The following THSD4 variants were observed in gnomAD, a reference collection of about 807,000 sequenced individuals.
The protein encoded by THSD4 is thrombospondin type 1 domain containing 4, also known as thrombospondin type-1 domain-containing protein 4.
Under a neutral mutation model 119.0 loss-of-function variants are expected in THSD4, and 69 were observed. That is an observed-to-expected ratio of 0.58 (90% CI 0.48 to 0.71). The LOEUF is 0.71. Ranked by LOEUF, THSD4 falls within the 30% of genes least tolerant of loss-of-function variation. The pLI, the probability that THSD4 is intolerant of heterozygous loss-of-function variation, is 0.00. For synonymous variants in THSD4, 524 were observed against 540.4 expected (o/e 0.97, Z 0.42); for missense variants, 1,393 against 1,391.1 (o/e 1.00, Z -0.02).
At chr15:71,657,084 G>C (rs2051206104) in intron 7 of THSD4, among the ~76,000 whole-genome samples, 1 of 152,234 alleles carries the variant, frequency 6.6e-6, no homozygotes, top group Non-Finnish European at 1.5e-5. Flanking sequence ...AAGGAGATTT[G>C]ATCCTGTCCA....
chr15:71,372,066 C>G (rs1028228236), intron 6 of THSD4, among the ~76,000 whole-genome samples: 1 of 152,164 alleles, frequency 6.6e-6, no homozygotes, highest in Non-Finnish European at 1.5e-5. Context: ...TCCAGTTGAT[C>G]GAATTGGTTA....
intron 7 of THSD4, among the ~76,000 whole-genome samples, chr15:71,633,740 G>T (rs939637775): frequency 6.6e-6 from 1 of 152,154 alleles, no homozygotes; most frequent in Non-Finnish European, 1.5e-5. Flanking sequence ...TGCTAGACTG[G>T]CAGTTAAATA....
intron 8 of THSD4, among the ~76,000 whole-genome samples, chr15:71,713,476 G>C (rs976191844): frequency 2.0e-5 from 3 of 152,220 alleles, no homozygotes; most frequent in Admixed American, 6.5e-5. Context: ...AAGAGATATA[G>C]TGGGGTTTAC....
At chr15:71,160,178 A>G (rs1439301400) in intron 3 of THSD4, among the ~76,000 whole-genome samples, 1 of 151,404 alleles carries the variant, frequency 6.6e-6, no homozygotes, top group Non-Finnish European at 1.5e-5. Context: ...CCCACTTGAT[A>G]TTAGTGAATA....
At chr15:71,773,224 AAAAAGAAAAG>A (rs1469973181) in intron 17 of THSD4, among the ~76,000 whole-genome samples, 17 of 151,220 alleles carry the variant, frequency 1.1e-4, no homozygotes, top group African/African-American at 4.1e-4. Flanking sequence ...AAGAAAAAGA[AAAAAGAAAAG>A]AAAAAAAAGT....
intron 4 of THSD4, among the ~76,000 whole-genome samples, chr15:71,231,797 A>G (rs947046682): frequency 3.3e-5 from 5 of 152,030 alleles, no homozygotes; most frequent in Admixed American, 3.3e-4. Flanking sequence ...TTATTTCCCT[A>G]AGTGGTCAGA....
chr15:71,314,041 G>A (rs11631778), intron 6 of THSD4, among the ~76,000 whole-genome samples: 90,053 of 152,040 alleles, frequency 0.59, 28,001 homozygotes, highest in Admixed American at 0.72. Flanking sequence ...GAAAGCAAAT[G>A]TGCTGAAAGT....
intron 8 of THSD4, among the ~76,000 whole-genome samples, chr15:71,723,090 T>A (rs1479298381): frequency 7.3e-5 from 11 of 150,742 alleles, no homozygotes; most frequent in African/African-American, 2.4e-4. Flanking sequence ...TTTCTCTATT[T>A]AAAAAAAAAT....
At chr15:71,524,149 C>T (rs539891073) in intron 7 of THSD4, among the ~76,000 whole-genome samples, 3 of 152,224 alleles carry the variant, frequency 2.0e-5, no homozygotes, top group South Asian at 2.1e-4. Flanking sequence ...ATATAAGTGA[C>T]GTTCAGAAAG....
At chr15:71,715,756 A>AG (rs2052594934) in intron 8 of THSD4, among the ~76,000 whole-genome samples, 1 of 143,284 alleles carries the variant, frequency 7.0e-6, no homozygotes. Flanking sequence ...GGGGCTCAAA[A>AG]TTTGGAATTA....
intron 7 of THSD4, among the ~76,000 whole-genome samples, chr15:71,586,745 G>A (rs576184071): frequency 6.6e-5 from 10 of 152,310 alleles, no homozygotes; most frequent in South Asian, 2.1e-4. Flanking sequence ...ATTCACAGTC[G>A]TGGGATTATC....
chr15:71,765,265 C>A (rs1319782358), intron 16 of THSD4, 66 bp downstream of exon 16: 27 of 1,515,034 alleles, frequency 1.8e-5, no homozygotes, highest in East Asian at 2.3e-5. Flanking sequence ...CTCCTATAGA[C>A]CCCTCTGGGC....
At chr15:71,140,415 T>C (rs1367893921) in intron 1 of THSD4, among the ~76,000 whole-genome samples, 2 of 152,008 alleles carry the variant, frequency 1.3e-5, no homozygotes, top group South Asian at 2.1e-4. Context: ...CCCTAACTAA[T>C]AGAGTGAGAA....
At chr15:71,274,357 T>C (rs2044566533) in intron 6 of THSD4, among the ~76,000 whole-genome samples, 1 of 152,180 alleles carries the variant, frequency 6.6e-6, no homozygotes, top group Non-Finnish European at 1.5e-5. Context: ...CTTCTTGTTG[T>C]GTTTGCATTT....
At chr15:71,258,083 G>C (rs2044341235) in intron 6 of THSD4, among the ~76,000 whole-genome samples, 1 of 152,134 alleles carries the variant, frequency 6.6e-6, no homozygotes, top group Non-Finnish European at 1.5e-5. Context: ...AAAGGGCATT[G>C]TTGGAAAACC....
chr15:71,731,245 A>T (rs375795585), intron 10 of THSD4, 28 bp downstream of exon 10: 30 of 1,601,382 alleles, frequency 1.9e-5, no homozygotes, highest in Admixed American at 3.3e-5. Flanking sequence ...GTGGCCGGGG[A>T]CTCTGGTCAT....
rs550807763 is a variant in THSD4 at position 71,681,669 on chromosome 15, C to T, written c.1357+20935C>T. On this transcript the variant is annotated intron_variant, in intron 8 of 17. Transcript: ENST00000261862. ...TAGCCTGGGCAAAAGAGTGAAACTTCGTCTCAAAAAAAAAAAAAAAAAAGT... is the reference window on the plus strand; with the variant it reads ...TAGCCTGGGCAAAAGAGTGAAACTTTGTCTCAAAAAAAAAAAAAAAAAAGT... Among the ~76,000 whole-genome samples, 427 of 133,590 alleles carry T rather than the reference C, an allele frequency of 3.2e-3. 3 individuals carry two copies. Among genetic ancestry groups the T allele is most frequent in the African/African-American group, 0.012 (408 of 34,886 alleles). 87.6% of individuals were successfully genotyped at this position (133,590 alleles called of 152,430 possible).
At chr15:71,170,286 A>AT (rs1215886784) in intron 3 of THSD4, among the ~76,000 whole-genome samples, 1 of 152,226 alleles carries the variant, frequency 6.6e-6, no homozygotes, top group Admixed American at 6.5e-5. Flanking sequence ...AGGATGCAGC[A>AT]TACTACTGAT....
rs1195413080 is a variant in THSD4, at chr15:71,442,579, A to AAAAATATAT, written c.1152+30757_1152+30758insAAATATATA. On this transcript the variant is annotated intron_variant, in intron 7 of 17. Transcript: ENST00000261862. ...GCAAAACTCCATCTCAAAAAAAAAA[A>AAAAATATAT]ATATATATATATATATATATATGTG... 1.2e-3 allele frequency among the ~76,000 whole-genome samples: 47 copies of AAAAATATAT among 39,856 alleles called. 3 individuals are homozygous for AAAAATATAT. The highest frequency in any genetic ancestry group is 5.2e-3 in the South Asian group (4 of 772). 26.1% of individuals were successfully genotyped at this position (39,856 alleles called of 152,430 possible). A position where few individuals can be genotyped will look rare whatever the true frequency, so the allele number is the denominator to read the frequency against.
Sources: gnomAD v4.1 joint callset for allele counts (sites outside exome capture counted in the v4.1 genomes callset) on GRCh38, gnomAD v4.1.1 for gene constraint, MANE v1.5 for transcripts, NCBI Gene and HGNC (gene_info 2026-07-23, HGNC 2026-07-21) for gene names.